Variants in TDRD9 observed in about 807,000 individuals in gnomAD.
TDRD9 encodes the protein ATP-dependent RNA helicase TDRD9.
TDRD9 carries 124 observed loss-of-function variants against 172.6 expected under a neutral mutation model. That is an observed-to-expected ratio of 0.72 (90% CI 0.62 to 0.83). TDRD9 has a LOEUF of 0.83. Among genes scored for constraint, TDRD9 ranks in the 40% least tolerant of loss-of-function variants. TDRD9 has a pLI of 0.00. For missense variants in TDRD9, 1,479 were observed against 1,714.1 expected (o/e 0.86, Z 2.42); for synonymous variants, 619 against 617.1 (o/e 1.00, Z -0.05).
chr14:104,008,234 G>A (rs1461989124), intron 19 of TDRD9, among the ~76,000 whole-genome samples, 179 bp from the exon 20 acceptor site: 2 of 152,122 alleles, frequency 1.3e-5, no homozygotes, highest in Non-Finnish European at 1.5e-5. Context: ...TGAGTATTAC[G>A]CTCTCTGGCT....
chr14:103,950,149 G>A (rs1322831771), intron 1 of TDRD9, among the ~76,000 whole-genome samples: 2 of 139,772 alleles, frequency 1.4e-5, no homozygotes, highest in African/African-American at 5.4e-5. Flanking sequence ...GAGTGCCGTG[G>A]CGCAATCTCA....
At chr14:104,010,177 C>G (rs1336449812) in intron 20 of TDRD9, among the ~76,000 whole-genome samples, 2 of 152,168 alleles carry the variant, frequency 1.3e-5, no homozygotes, top group South Asian at 2.1e-4. Flanking sequence ...GAACTCCTGA[C>G]CTTGTGATCT....
intron 1 of TDRD9, among the ~76,000 whole-genome samples, chr14:103,937,058 C>T (rs149299109): frequency 2.6e-5 from 4 of 152,238 alleles, no homozygotes; most frequent in Admixed American, 6.5e-5. Context: ...CACCACTGCA[C>T]GCCTGGGCAA....
At chr14:103,931,929 A>G (rs1248951215) in intron 1 of TDRD9, among the ~76,000 whole-genome samples, 1 of 152,206 alleles carries the variant, frequency 6.6e-6, no homozygotes, top group Non-Finnish European at 1.5e-5. Context: ...GCTAGGAGCA[A>G]AGACTGGATC....
chr14:104,049,082 C>T (rs1031966317), intron 34 of TDRD9, among the ~76,000 whole-genome samples: 1 of 151,060 alleles, frequency 6.6e-6, no homozygotes, highest in Non-Finnish European at 1.5e-5. Context: ...CCAGAGCCTT[C>T]AAATGGTTGT....
chr14:104,031,376 CTG>C (rs766700756), intron 29 of TDRD9, 113 bp downstream of exon 29: 2 of 891,174 alleles, frequency 2.2e-6, no homozygotes, highest in Non-Finnish European at 3.3e-6. Flanking sequence ...GCTTTTAATG[CTG>C]TTACTTTTCT....
At chr14:104,020,958 A>G (rs182681962) in intron 23 of TDRD9, among the ~76,000 whole-genome samples, 1 of 152,206 alleles carries the variant, frequency 6.6e-6, no homozygotes, top group African/African-American at 2.4e-5. Context: ...GGCTGGGGCA[A>G]GAGAGGGCAT....
At chr14:103,968,727 C>T (rs1231644320) in intron 5 of TDRD9, among the ~76,000 whole-genome samples, 1 of 125,468 alleles carries the variant, frequency 8.0e-6, no homozygotes, top group African/African-American at 3.0e-5. Flanking sequence ...ACCCGGGAGG[C>T]AGAGGTTGCA....
intron 24 of TDRD9, among the ~76,000 whole-genome samples, chr14:104,023,485 C>T (rs765017668): frequency 6.6e-6 from 1 of 152,204 alleles, no homozygotes; most frequent in Non-Finnish European, 1.5e-5. Context: ...CTTTCCCTCC[C>T]GCCCAGAGAG....
At chr14:103,941,420 G>C in intron 1 of TDRD9, 1 of 1,534,936 alleles carries the variant, frequency 6.5e-7, no homozygotes, top group Non-Finnish European at 8.7e-7. Context: ...TTCCAGTTTG[G>C]CAAGGTTGAA....
chr14:103,929,471 C>T (rs1356468415), intron 1 of TDRD9, among the ~76,000 whole-genome samples: 2 of 151,944 alleles, frequency 1.3e-5, no homozygotes, highest in African/African-American at 4.8e-5. Context: ...CTGGATGTAC[C>T]ACAGTTTATC....
chr14:103,990,029 C>T (rs985159405), intron 8 of TDRD9, among the ~76,000 whole-genome samples: 7 of 152,238 alleles, frequency 4.6e-5, no homozygotes, highest in Admixed American at 4.6e-4. Flanking sequence ...GGGGTGAACC[C>T]AACCTCATGG....
chr14:104,048,467 T>A (rs2035845340), intron 34 of TDRD9, among the ~76,000 whole-genome samples: 1 of 152,182 alleles, frequency 6.6e-6, no homozygotes, highest in East Asian at 1.9e-4. Context: ...TGTCCTTGTA[T>A]CTGATCTGCA....
chr14:103,934,608 C>T (rs113143361), intron 1 of TDRD9, among the ~76,000 whole-genome samples: 3,482 of 152,302 alleles, frequency 0.023, 79 homozygotes, highest in East Asian at 0.071. Flanking sequence ...GAAACCCCGT[C>T]TCTACTAAAA....
At chr14:104,019,490 T>C (rs2034890444) in intron 23 of TDRD9, among the ~76,000 whole-genome samples, 1 of 152,140 alleles carries the variant, frequency 6.6e-6, no homozygotes, top group African/African-American at 2.4e-5. Flanking sequence ...TGTTTATATC[T>C]TTTGCATTCC....
At chr14:104,034,906 T>C (rs2035403396) in intron 31 of TDRD9, 54 bp from the exon 32 acceptor site, 2 of 1,422,878 alleles carry the variant, frequency 1.4e-6, no homozygotes, top group East Asian at 2.5e-5. Flanking sequence ...GAGGGAACGC[T>C]GCCCTGAGCA....
intron 28 of TDRD9, 82 bp downstream of exon 28, chr14:104,027,021 A>G (rs1414039683): frequency 4.8e-6 from 7 of 1,457,702 alleles, no homozygotes; most frequent in South Asian, 1.3e-5. Flanking sequence ...GGACCCTGAG[A>G]TAGGAGGAGG....
At chr14:103,988,299 G>A (rs903113632) in intron 8 of TDRD9, among the ~76,000 whole-genome samples, 6 of 151,876 alleles carry the variant, frequency 4.0e-5, no homozygotes, top group African/African-American at 7.3e-5. Context: ...TCAGCCTCCC[G>A]AATAGCTGGG....
In TDRD9 at chr14:104,049,613, T is replaced by A; in HGVS notation, c.3980T>A (p.Phe1327Tyr). 1 of 1,568,790 alleles carries A rather than the reference T, an allele frequency of 6.4e-7. No individual in the cohort carries two copies. Among genetic ancestry groups the A allele is most frequent in the South Asian group, 1.2e-5 (1 of 85,100 alleles). The change falls in exon 35 of 36, where the codon TTC becomes TAC. Residue 1327 changes from phenylalanine to tyrosine, a missense_variant. This residue lies in a region of TDRD9 where 1,413 missense variants were observed against 1,649.1 expected (regional missense o/e 0.86). Coordinates refer to ENST00000409874, the MANE Select transcript of TDRD9 (RefSeq NM_153046.3). ...DIARQKLLGL[F>Y]CQSKPREKIV... ...TTCTTTTTTTTTTAAATTAGTTTGT[T>A]CTGTCAGTCAAAACCAAGGGAGAAG...
Sources: gnomAD v4.1 joint callset for allele counts (sites outside exome capture counted in the v4.1 genomes callset) on GRCh38, gnomAD v4.1.1 for gene constraint, gnomAD v4.1.1 regional missense constraint, MANE v1.5 for transcripts, NCBI Gene and HGNC (gene_info 2026-07-23, HGNC 2026-07-21) for gene names.